The following MEF2B variants were observed in gnomAD, a reference collection of about 807,000 sequenced individuals.
MEF2B encodes the protein myocyte-specific enhancer factor 2B.
In MEF2B, 15 loss-of-function variants were observed where a neutral mutation model predicts 32.2. That is an observed-to-expected ratio of 0.47 (90% CI 0.31 to 0.72). MEF2B has a LOEUF of 0.72. Among genes scored for constraint, MEF2B ranks in the 30% least tolerant of loss-of-function variants. The pLI is 0.05. For missense variants in MEF2B, 441 were observed against 511.5 expected (o/e 0.86, Z 1.33); for synonymous variants, 205 against 225.6 (o/e 0.91, Z 0.82).
At chr19:19,151,675 C>A (rs1204426285) in intron 1 of MEF2B, among the ~76,000 whole-genome samples, 2 of 152,188 alleles carry the variant, frequency 1.3e-5, no homozygotes, top group African/African-American at 4.8e-5. Flanking sequence ...TCCAGGGTCA[C>A]GCGGACCTAC....
rs2146348131 is a variant in MEF2B at position 19,145,812 on chromosome 19, G to A, written c.1092C>T (p.Asp364=). 3.3e-6 allele frequency: 5 copies of A among 1,536,654 alleles called. No homozygotes were observed. The highest frequency in any genetic ancestry group is 1.2e-5 in the South Asian group (1 of 83,354). ...GPALRRLPLA[D]GWPR Reference sequence around the variant, plus strand: ...GGGTGATCTCCTACCGGGGCCAGCCGTCGGCCAAGGGCAGCCGGCGCAGGG... The same window carrying A: ...GGGTGATCTCCTACCGGGGCCAGCCATCGGCCAAGGGCAGCCGGCGCAGGG... Residue 364 remains aspartate, a synonymous_variant, in exon 9 of 9, where the codon GAC becomes GAT. Coordinates refer to ENST00000424583, the MANE Select transcript of MEF2B (RefSeq NM_001145785.2). The surrounding 1 kb of genome is among the most constrained non-coding windows in gnomAD (Gnocchi z 4.6).
intron 4 of MEF2B, 64 bp downstream of exon 4, chr19:19,147,634 C>G: frequency 6.3e-7 from 1 of 1,585,504 alleles, no homozygotes; most frequent in Admixed American, 1.7e-5. Context: ...CAGTACCAGC[C>G]TCAACGACTT....
At chr19:19,168,465 G>A (rs1408859142) in intron 1 of MEF2B, among the ~76,000 whole-genome samples, 2 of 151,634 alleles carry the variant, frequency 1.3e-5, no homozygotes, top group Non-Finnish European at 2.9e-5. Flanking sequence ...TAGAGATGGG[G>A]TTTCTCCATG....
chr19:19,161,370 G>A (rs971100086), intron 1 of MEF2B, among the ~76,000 whole-genome samples: 2 of 151,854 alleles, frequency 1.3e-5, no homozygotes, highest in African/African-American at 2.4e-5. Flanking sequence ...AAACAGAGCC[G>A]CAGAAAATCC....
At chr19:19,169,936 T>C (rs1241268200) in intron 1 of MEF2B, among the ~76,000 whole-genome samples, 1 of 151,884 alleles carries the variant, frequency 6.6e-6, no homozygotes, top group Non-Finnish European at 1.5e-5. Context: ...CACAGCTAAC[T>C]CTCCAACTCC....
intron 1 of MEF2B, among the ~76,000 whole-genome samples, chr19:19,165,866 G>A (rs2060203749): frequency 6.6e-6 from 1 of 152,104 alleles, no homozygotes; most frequent in African/African-American, 2.4e-5. Flanking sequence ...CCCTTCCTCA[G>A]GCCCCACCTT....
chr19:19,159,241 T>TA (rs35056015), intron 1 of MEF2B, among the ~76,000 whole-genome samples: 13,751 of 87,922 alleles, frequency 0.16, 1,197 homozygotes, highest in East Asian at 0.36. Context: ...GTGCGTGGCC[T>TA]AAAAAAAAAA....
At position 19,148,308 on chromosome 19, in the gene MEF2B, T is replaced by C. The variant is rs932273200; in HGVS notation, c.259-476A>G. On this transcript the variant is annotated intron_variant, in intron 3 of 8. Coordinates refer to ENST00000424583, the MANE Select transcript of MEF2B (RefSeq NM_001145785.2). ...GTAAGACCTCCATCTCTACTGAAAA[T>C]ATAAAAATTAGCCAGGCATGGTGGC... 2.0e-5 allele frequency among the ~76,000 whole-genome samples: 3 copies of C among 152,068 alleles called. 1 individual carries two copies. Among genetic ancestry groups the C allele is most frequent in the Middle Eastern group, 6.3e-3 (2 of 316 alleles).
chr19:19,150,238 AAC>A (rs1156559536), intron 2 of MEF2B, among the ~76,000 whole-genome samples: 1 of 149,616 alleles, frequency 6.7e-6, no homozygotes, highest in Non-Finnish European at 1.5e-5. Context: ...GGAAACAAGA[AAC>A]ACTGACAGAC....
intron 1 of MEF2B, among the ~76,000 whole-genome samples, chr19:19,169,330 C>T (rs576832772): frequency 5.0e-4 from 76 of 150,578 alleles, no homozygotes; most frequent in African/African-American, 1.6e-3. Flanking sequence ...CCAGCCTGGG[C>T]GACAGGATGA....
chr19:19,152,936 C>G (rs1212705974), intron 1 of MEF2B, among the ~76,000 whole-genome samples: 1 of 152,242 alleles, frequency 6.6e-6, no homozygotes, highest in African/African-American at 2.4e-5. Context: ...GTCCCAGACC[C>G]TCAGCTCCGG....
intron 1 of MEF2B, chr19:19,157,130 C>A: frequency 4.7e-6 from 1 of 210,784 alleles, no homozygotes. Flanking sequence ...CCACTTCCAG[C>A]TCTCATGCAT....
Position 19,147,282 on chromosome 19 carries a change from C to G in MEF2B, c.394-99G>C, listed in dbSNP as rs1178879944. On this transcript the variant is annotated intron_variant, in intron 4 of 8. Transcript: ENST00000424583. Reference sequence around the variant, plus strand: ...GATGAGTTCAGGGGCCCAGCTCTACCTTCAGGAAGCCTTTGCTCCACCTCC... The same window carrying G: ...GATGAGTTCAGGGGCCCAGCTCTACGTTCAGGAAGCCTTTGCTCCACCTCC... The G allele has an allele frequency of 2.9e-5, 35 of 1,203,764 alleles. 7 individuals are homozygous for G. The African/African-American group carries it at 3.7e-4, about 13-fold the overall frequency. The allele number at this position is 1,203,764 out of a possible 1,614,324, so 74.6% of individuals were successfully genotyped here.
In MEF2B at chr19:19,145,872, G is replaced by C. The variant is rs1310687551; in HGVS notation, c.1032C>G (p.Ala344=). ...GCCGCAGAGGCTCTGCCAGGGACCGGGCGAGGAGCAAGGGATAGGGGAAGG... is the reference window on the plus strand; with the variant it reads ...GCCGCAGAGGCTCTGCCAGGGACCGCGCGAGGAGCAAGGGATAGGGGAAGG... ...PKTFPYPLLL[A]RSLAEPLRPG... The change falls in exon 9 of 9, where the codon GCC becomes GCG. Residue 344 remains alanine (A), a synonymous_variant. Coordinates refer to ENST00000424583, the MANE Select transcript of MEF2B (RefSeq NM_001145785.2). This position sits in a 1 kb window ranked among gnomAD's most constrained non-coding sequence, Gnocchi z 4.6. 1.4e-6 allele frequency: 2 copies of C among 1,477,274 alleles called. No individual in the cohort carries two copies. Among genetic ancestry groups the C allele is most frequent in the African/African-American group, 1.4e-5 (1 of 70,162 alleles). The allele number at this position is 1,477,274 out of a possible 1,614,324, so 91.5% of individuals were successfully genotyped here.
At chr19:19,169,822 C>T (rs1377417969) in intron 1 of MEF2B, among the ~76,000 whole-genome samples, 1 of 152,054 alleles carries the variant, frequency 6.6e-6, no homozygotes, top group Non-Finnish European at 1.5e-5. Context: ...ACAGGGGATG[C>T]GCTAATGCTA....
chr19:19,149,146 G>T, intron 3 of MEF2B, 80 bp downstream of exon 3: 1 of 1,547,108 alleles, frequency 6.5e-7, no homozygotes, highest in Non-Finnish European at 8.8e-7. Flanking sequence ...CTCATCTTTT[G>T]TGCAAACCAA....
chr19:19,161,134 T>C (rs1422211425), intron 1 of MEF2B, among the ~76,000 whole-genome samples: 1 of 151,974 alleles, frequency 6.6e-6, no homozygotes, highest in Admixed American at 6.6e-5. Flanking sequence ...GGCTTCACAG[T>C]AAGGTGCTTT....
chr19:19,150,251 C>T (rs1378205667), intron 2 of MEF2B, among the ~76,000 whole-genome samples: 1 of 150,982 alleles, frequency 6.6e-6, no homozygotes, highest in Non-Finnish European at 1.5e-5. Context: ...ACTGACAGAC[C>T]AGGCGCGGTG....
chr19:19,146,418 C>T, intron 7 of MEF2B, 34 bp from the exon 8 acceptor site: 1 of 1,105,034 alleles, frequency 9.0e-7, no homozygotes, highest in Non-Finnish European at 1.2e-6. Context: ...GAGGCCTGGA[C>T]ATCTCCTTAA....
Sources: allele counts gnomAD v4.1 joint callset (sites outside exome capture counted in the v4.1 genomes callset), GRCh38; gene constraint gnomAD v4.1.1; non-coding constraint Gnocchi (gnomAD v3.1); transcripts MANE v1.5; gene names NCBI Gene and HGNC (gene_info 2026-07-23, HGNC 2026-07-21).